JAK2: variants seen among roughly 807,000 people sequenced by gnomAD.
JAK2 encodes the protein tyrosine-protein kinase JAK2.
JAK2 carries 86 observed loss-of-function variants against 139.3 expected under a neutral mutation model. The ratio of observed to expected loss-of-function variants is 0.62; its 90% CI spans 0.52 to 0.74. The LOEUF (loss-of-function observed/expected upper bound fraction) is 0.74. JAK2 is among the 30% of genes least tolerant of loss of function. The pLI, the probability that JAK2 is intolerant of heterozygous loss-of-function variation, is 0.00. For synonymous variants in JAK2, 490 were observed against 437.7 expected (o/e 1.12, Z -1.49); for missense variants, 1,421 against 1,360.3 (o/e 1.04, Z -0.70).
At chr9:5,068,174 CAA>C (rs34519862) in intron 10 of JAK2, among the ~76,000 whole-genome samples, 35,533 of 136,006 alleles carry the variant, frequency 0.26, 4,375 homozygotes, top group South Asian at 0.32. Context: ...AAAACAACAA[CAA>C]AAAAAAAAAA....
At chr9:5,100,812 T>C (rs1401535667) in intron 22 of JAK2, 2 of 152,398 alleles carry the variant, frequency 1.3e-5, no homozygotes, top group Non-Finnish European at 2.9e-5. Flanking sequence ...ATGGGATCTA[T>C]GGCTCAACAT....
intron 22 of JAK2, among the ~76,000 whole-genome samples, chr9:5,092,034 T>TATC (rs983196584): frequency 6.6e-6 from 1 of 152,066 alleles, no homozygotes; most frequent in Non-Finnish European, 1.5e-5. Flanking sequence ...CGGAGAGGAT[T>TATC]ATCATTAATA....
At chr9:5,096,142 A>T (rs1382003559) in intron 22 of JAK2, among the ~76,000 whole-genome samples, 1 of 152,152 alleles carries the variant, frequency 6.6e-6, no homozygotes, top group East Asian at 1.9e-4. Flanking sequence ...AATATTCCCC[A>T]CATCCAATAA....
At chr9:5,041,582 G>A (rs1816519911) in intron 4 of JAK2, 3 of 503,268 alleles carry the variant, frequency 6.0e-6, no homozygotes, top group Non-Finnish European at 8.0e-6. Context: ...ACTACGTGCG[G>A]CGCCTGGACT....
intron 22 of JAK2, chr9:5,111,627 T>G (rs1822549814): frequency 2.7e-6 from 1 of 374,586 alleles, no homozygotes; most frequent in African/African-American, 2.2e-5. Context: ...GGCCCCATGC[T>G]GGGCGGGGGC....
intron 2 of JAK2, among the ~76,000 whole-genome samples, chr9:4,987,353 GT>G (rs1204272722): frequency 1.3e-5 from 2 of 152,152 alleles, no homozygotes; most frequent in Non-Finnish European, 2.9e-5. Flanking sequence ...TTACTGAAAG[GT>G]GGGATGCTTT....
At position 5,050,674 on chromosome 9, in the gene JAK2, T is replaced by G; in HGVS notation, c.469-12T>G. ...TTACGATGAGATATTTCCTTCAAAT[T>G]TTTGGTTTTAGTGGCGGCATGATTT... On this transcript the variant is annotated splice_polypyrimidine_tract_variant and intron_variant, in intron 5 of 24. Transcript: ENST00000381652. 1.2e-6 allele frequency: 2 copies of G among 1,607,328 alleles called. No individual in the cohort carries two copies. Among genetic ancestry groups the G allele is most frequent in the South Asian group, 2.2e-5 (2 of 90,054 alleles).
At position 5,044,510 on chromosome 9, in the gene JAK2, T is replaced by TGAGCAAAGAGGTAAGA; in HGVS notation, c.458_459insGAGCAAAGAGGTAAGA (p.Phe154SerfsTer12). The TGAGCAAAGAGGTAAGA allele has an allele frequency of 6.3e-7, 1 of 1,587,490 alleles. No homozygotes were observed. Among genetic ancestry groups the TGAGCAAAGAGGTAAGA allele is most frequent in the Non-Finnish European group, 8.6e-7 (1 of 1,158,490 alleles). ...CTTGATGACTTTGTCATGTCTTACCTCTTTGCTCAGGTATGATTATATTAT... is the reference window on the plus strand; with the variant it reads ...CTTGATGACTTTGTCATGTCTTACCTGAGCAAAGAGGTAAGACTTTGCTCAGGTATGATTATATTAT... On this transcript the variant is annotated frameshift_variant, in exon 5 of 25. Coordinates refer to ENST00000381652, the MANE Select transcript of JAK2 (RefSeq NM_004972.4). LOFTEE classifies it high-confidence loss of function.
At chr9:5,053,998 T>C (rs1208076769) in intron 6 of JAK2, among the ~76,000 whole-genome samples, 1 of 152,022 alleles carries the variant, frequency 6.6e-6, no homozygotes, top group Non-Finnish European at 1.5e-5. Context: ...TACATAGAGA[T>C]GAATGTACAG....
At chr9:5,084,962 T>G in intron 19 of JAK2, 20 of 708,142 alleles carry the variant, frequency 2.8e-5, no homozygotes, top group Non-Finnish European at 4.9e-5. Flanking sequence ...AGGCACAGTC[T>G]GAGATAGCTG....
chr9:5,124,397 A>G (rs1008984975), intron 23 of JAK2, among the ~76,000 whole-genome samples: 4 of 151,740 alleles, frequency 2.6e-5, no homozygotes, highest in African/African-American at 9.7e-5. Flanking sequence ...ATGGTGATAA[A>G]TATGGGTCCA....
Position 5,111,517 on chromosome 9 carries a change from C to G in JAK2, c.3060-11487C>G, listed in dbSNP as rs987431267. Reference sequence around the variant, plus strand: ...GGGATGCCGCCGCCTATCCATCCGCCAAGACGCCCAGCAGCGCCTGTCCCG... The same window carrying G: ...GGGATGCCGCCGCCTATCCATCCGCGAAGACGCCCAGCAGCGCCTGTCCCG... On this transcript the variant is annotated intron_variant, in intron 22 of 24. Transcript: ENST00000381652. The G allele has an allele frequency of 3.4e-4, 126 of 369,212 alleles. 1 individual carries two copies. Among genetic ancestry groups the G allele is most frequent in the South Asian group, 1.1e-3 (55 of 48,410 alleles). 22.9% of individuals were successfully genotyped at this position (369,212 alleles called of 1,614,324 possible).
intron 16 of JAK2, among the ~76,000 whole-genome samples, chr9:5,079,552 A>G (rs961068486): frequency 2.0e-5 from 3 of 151,788 alleles, no homozygotes; most frequent in Non-Finnish European, 4.4e-5. Context: ...TCATTAGAAC[A>G]TCTCTGAATG....
At chr9:5,035,975 G>C (rs1823565795) in intron 4 of JAK2, among the ~76,000 whole-genome samples, 1 of 152,094 alleles carries the variant, frequency 6.6e-6, no homozygotes, top group African/African-American at 2.4e-5. Context: ...TGTATATCTG[G>C]AAAACCCCAT....
At chr9:5,068,990 C>G (rs1183630435) in intron 10 of JAK2, 32 bp from the exon 11 acceptor site, 11 of 1,252,076 alleles carry the variant, frequency 8.8e-6, no homozygotes, top group Non-Finnish European at 1.2e-5. Context: ...TTGTGACTAT[C>G]CCTCCCTTTC....
At chr9:5,105,776 G>T (rs1182519260) in intron 22 of JAK2, among the ~76,000 whole-genome samples, 1 of 152,138 alleles carries the variant, frequency 6.6e-6, no homozygotes. Flanking sequence ...ACAACCATCT[G>T]ATCTTTGACA....
rs1374613483 is a variant in JAK2, at chr9:5,055,656, C to G, written c.937-13C>G. 6.5e-7 allele frequency: 1 copy of G among 1,533,872 alleles called. No individual in the cohort carries two copies. Among genetic ancestry groups the G allele is most frequent in the Admixed American group, 1.8e-5 (1 of 56,136 alleles). The stretch of plus-strand genomic sequence containing the variant: ...TTCTACCCGTTTTTAATTTTACATG[C>G]TTTTAATTATAGGATTTACAGTTAT... On this transcript the variant is annotated splice_polypyrimidine_tract_variant and intron_variant, in intron 7 of 24. Transcript: ENST00000381652.
chr9:5,110,602 C>A (rs568767951), intron 22 of JAK2: 1 of 185,728 alleles, frequency 5.4e-6, no homozygotes, highest in East Asian at 1.6e-4. Flanking sequence ...CTTGCACTTA[C>A]AGATATGCCT....
At chr9:5,008,752 T>C (rs1034431707) in intron 2 of JAK2, among the ~76,000 whole-genome samples, 3 of 152,234 alleles carry the variant, frequency 2.0e-5, no homozygotes, top group African/African-American at 4.8e-5. Context: ...AGCAGATCTT[T>C]TTAACATGAA....
Sources: allele counts gnomAD v4.1 joint callset (sites outside exome capture counted in the v4.1 genomes callset), GRCh38; gene constraint gnomAD v4.1.1; transcripts MANE v1.5; gene names NCBI Gene and HGNC (gene_info 2026-07-23, HGNC 2026-07-21).